The following KIAA2012 variants were observed in gnomAD, a reference collection of about 807,000 sequenced individuals.
KIAA2012 encodes the protein KIAA2012, also known as uncharacterized protein KIAA2012.
Under a neutral mutation model 150.6 loss-of-function variants are expected in KIAA2012, and 125 were observed. That is an observed-to-expected ratio of 0.83 (90% CI 0.72 to 0.96). The LOEUF (loss-of-function observed/expected upper bound fraction) is 0.96, where lower values mean the gene tolerates loss of function less well. Among genes scored for constraint, KIAA2012 ranks in the 40% least tolerant of loss-of-function variants. KIAA2012 has a pLI of 0.00. For synonymous variants in KIAA2012, 462 were observed against 504.7 expected (o/e 0.92, Z 1.13); for missense variants, 1,219 against 1,354.9 (o/e 0.90, Z 1.57).
chr2:202,117,431 G>C (rs1690554373), intron 11 of KIAA2012, among the ~76,000 whole-genome samples: 1 of 152,196 alleles, frequency 6.6e-6, no homozygotes, highest in Non-Finnish European at 1.5e-5. Flanking sequence ...GTGGGGTACT[G>C]TTTAAAGTAT....
intron 12 of KIAA2012, among the ~76,000 whole-genome samples, chr2:202,132,959 G>A (rs1482738140): frequency 7.0e-6 from 1 of 141,926 alleles, no homozygotes; most frequent in Non-Finnish European, 1.5e-5. Flanking sequence ...AAAAAAATTA[G>A]CCAGGTGAGG....
intron 15 of KIAA2012, chr2:202,180,038 A>G: frequency 2.3e-6 from 1 of 435,698 alleles, no homozygotes; most frequent in South Asian, 1.8e-5. Context: ...TTGGGAGGCT[A>G]AGGTGGGAAG....
intron 14 of KIAA2012, among the ~76,000 whole-genome samples, chr2:202,159,605 G>T (rs146042401): frequency 3.9e-5 from 6 of 152,270 alleles, no homozygotes; most frequent in African/African-American, 1.2e-4. Flanking sequence ...ACTTTGGGAG[G>T]CCAAGGCAGG....
chr2:202,154,741 G>A lies in KIAA2012; in HGVS notation c.1977G>A (p.Ala659=), dbSNP rs1349909869. 7.7e-6 allele frequency: 12 copies of A among 1,550,332 alleles called. No individual in the cohort carries two copies. The highest frequency in any genetic ancestry group is 5.9e-5 in the Admixed American group (3 of 50,938). ...TGEPQSCINK[A]LICSNRKEFY... ...AGCCTCAAAGTTGTATAAATAAAGCGCTGATATGTTCAAACAGAAAAGAAT... is the reference window on the plus strand; with the variant it reads ...AGCCTCAAAGTTGTATAAATAAAGCACTGATATGTTCAAACAGAAAAGAAT... The change falls in exon 14 of 24, where the codon GCG becomes GCA. Residue 659 remains alanine (A), a synonymous_variant. Transcript: ENST00000498697.
Position 202,165,326 on chromosome 2 carries a change from C to A in KIAA2012, c.2089C>A (p.Pro697Thr), listed in dbSNP as rs575396497. The stretch of plus-strand genomic sequence containing the variant: ...GGACTATCAGGAAGAAGCAGGGAGA[C>A]CCCTCAGAGAAACTCACCACAACGA... ...ALDYQEEAGRPLRETHHNDQD... is the reference protein window; with the variant it reads ...ALDYQEEAGRTLRETHHNDQD... Residue 697 changes from proline (P) to threonine (T), a missense_variant, in exon 15 of 24, where the codon CCC becomes ACC. Transcript: ENST00000498697. The A allele has an allele frequency of 3.9e-6, 6 of 1,550,388 alleles. No homozygotes were observed. The East Asian group carries it at 1.2e-4, about 32-fold the overall frequency.
chr2:202,159,955 A>ATT (rs1691614040), intron 14 of KIAA2012, among the ~76,000 whole-genome samples: 2 of 152,244 alleles, frequency 1.3e-5, no homozygotes, highest in Non-Finnish European at 2.9e-5. Flanking sequence ...GACTCAATTC[A>ATT]TAAGGGAGAA....
intron 1 of KIAA2012, 53 bp downstream of exon 1, chr2:202,073,764 C>A: frequency 6.8e-7 from 1 of 1,474,310 alleles, no homozygotes; most frequent in Non-Finnish European, 9.3e-7. Context: ...GAGGAATGCT[C>A]TATGTTTCCA....
intron 15 of KIAA2012, among the ~76,000 whole-genome samples, chr2:202,181,987 A>G (rs1692129691): frequency 6.6e-6 from 1 of 151,590 alleles, no homozygotes; most frequent in Non-Finnish European, 1.5e-5. Context: ...TACCTCCCCT[A>G]TTCCAGCCTC....
At chr2:202,173,926 T>C (rs1250883289) in intron 15 of KIAA2012, among the ~76,000 whole-genome samples, 2 of 152,168 alleles carry the variant, frequency 1.3e-5, no homozygotes, top group African/African-American at 4.8e-5. Flanking sequence ...ATAGTAAACA[T>C]CACACTTGAA....
At chr2:202,153,774 A>G (rs962008924) in intron 13 of KIAA2012, among the ~76,000 whole-genome samples, 1 of 152,196 alleles carries the variant, frequency 6.6e-6, no homozygotes, top group African/African-American at 2.4e-5. Flanking sequence ...GCACTGCCCT[A>G]TCTGCTCTGC....
intron 19 of KIAA2012, among the ~76,000 whole-genome samples, 169 bp downstream of exon 19, chr2:202,190,662 C>T (rs1692313414): frequency 6.6e-6 from 1 of 152,170 alleles, no homozygotes; most frequent in Non-Finnish European, 1.5e-5. Context: ...AGAAGCCAGA[C>T]CTGATCAAAG....
At position 202,205,004 on chromosome 2, in the gene KIAA2012, G is replaced by A. The variant is rs930206916; in HGVS notation, c.*27G>A. 2 of 152,244 alleles carry A rather than the reference G, an allele frequency of 1.3e-5. No individual in the cohort carries two copies. The highest frequency in any genetic ancestry group is 2.9e-5 in the Non-Finnish European group (2 of 68,006). The allele number at this position is 152,244 out of a possible 1,614,324, so 9.4% of individuals were successfully genotyped here. On this transcript the variant is annotated 3_prime_UTR_variant, in exon 24 of 24. Coordinates refer to ENST00000498697, the MANE Select transcript of KIAA2012 (RefSeq NM_001277372.4). ...TTTCTCCCTTTTGTTACAGATTTAGGATGTTGCAGTCAAGCACCAGATAAG... is the reference window on the plus strand; with the variant it reads ...TTTCTCCCTTTTGTTACAGATTTAGAATGTTGCAGTCAAGCACCAGATAAG...
chr2:202,183,445 TTTTTTGGGGGG>T (rs1285537104), intron 15 of KIAA2012, among the ~76,000 whole-genome samples: 121 of 144,404 alleles, frequency 8.4e-4, no homozygotes, highest in African/African-American at 2.3e-3. Context: ...TTAACATTTG[TTTTTTGGGGGG>T]TTTTTGGGGG....
At chr2:202,098,585 A>G (rs934787241) in intron 5 of KIAA2012, among the ~76,000 whole-genome samples, 1 of 152,148 alleles carries the variant, frequency 6.6e-6, no homozygotes, top group Non-Finnish European at 1.5e-5. Flanking sequence ...TCTTGTTTGA[A>G]AAATAGCTAT....
intron 9 of KIAA2012, among the ~76,000 whole-genome samples, chr2:202,106,349 T>A (rs773644563): frequency 2.0e-5 from 3 of 152,240 alleles, no homozygotes; most frequent in Non-Finnish European, 2.9e-5. Context: ...CAATGAAATT[T>A]CATTTCTAAT....
At chr2:202,091,049 A>T in intron 3 of KIAA2012, 120 bp downstream of exon 3, 3 of 1,315,380 alleles carry the variant, frequency 2.3e-6, no homozygotes, top group Non-Finnish European at 2.0e-6. Context: ...TCTGTGTTAA[A>T]GCAAAGTCCC....
intron 11 of KIAA2012, among the ~76,000 whole-genome samples, chr2:202,123,454 T>C (rs965045163): frequency 2.0e-5 from 3 of 152,206 alleles, no homozygotes; most frequent in Non-Finnish European, 2.9e-5. Context: ...GGGTCAACAA[T>C]TAACACTAAT....
intron 7 of KIAA2012, among the ~76,000 whole-genome samples, chr2:202,100,853 G>T (rs1346487409): frequency 2.0e-5 from 3 of 152,208 alleles, no homozygotes; most frequent in Non-Finnish European, 4.4e-5. Context: ...TCCACTGAGG[G>T]TCTATCACCT....
At chr2:202,115,097 T>C (rs1192000124) in intron 11 of KIAA2012, 2 of 158,068 alleles carry the variant, frequency 1.3e-5, no homozygotes, top group East Asian at 3.9e-4. Flanking sequence ...TTGGGCTTTT[T>C]TGTTTGTTTG....
Sources: gnomAD v4.1 joint callset for allele counts (sites outside exome capture counted in the v4.1 genomes callset) on GRCh38, gnomAD v4.1.1 for gene constraint, MANE v1.5 for transcripts, NCBI Gene and HGNC (gene_info 2026-07-23, HGNC 2026-07-21) for gene names.